WWOX: variants seen among roughly 807,000 people sequenced by gnomAD.
WWOX encodes WW domain containing oxidoreductase, also known as WW domain-containing oxidoreductase.
Under a neutral mutation model 46.2 loss-of-function variants are expected in WWOX, and 69 were observed. The observed-to-expected ratio is 1.49, with a 90% confidence interval of 1.23 to 1.82. The LOEUF (loss-of-function observed/expected upper bound fraction) is 1.82. Among genes scored for constraint, WWOX ranks in the 40% most tolerant of loss-of-function variants. The pLI is 0.00. For synonymous variants in WWOX, 359 were observed against 202.6 expected (o/e 1.77, Z -6.56); for missense variants, 919 against 542.6 (o/e 1.69, Z -6.89).
chr16:78,815,440 G>T (rs879470474), intron 8 of WWOX, among the ~76,000 whole-genome samples: 5 of 152,052 alleles, frequency 3.3e-5, no homozygotes, highest in Admixed American at 1.3e-4. Context: ...CTTAAACCCT[G>T]CACCGACCTT....
rs1165578311 is a variant in WWOX at position 78,970,576 on chromosome 16, TA to T, written c.1057-241030del. On this transcript the variant is annotated intron_variant, in intron 8 of 8. Coordinates refer to ENST00000566780, the MANE Select transcript of WWOX (RefSeq NM_016373.4). ...CTCACCAAGTATGGAAGTGGAAGAGTAAGACATTCAAGGTAGAAGGAACAGT... is the reference window on the plus strand; with the variant it reads ...CTCACCAAGTATGGAAGTGGAAGAGTAGACATTCAAGGTAGAAGGAACAGT... Among the ~76,000 whole-genome samples the T allele has an allele frequency of 2.0e-5, 3 of 151,998 alleles. No individual in the cohort carries two copies. The East Asian group carries it at 5.8e-4, about 29-fold the overall frequency.
chr16:78,702,212 C>T (rs1163592966), intron 8 of WWOX, among the ~76,000 whole-genome samples: 20 of 147,466 alleles, frequency 1.4e-4, no homozygotes, highest in Non-Finnish European at 3.0e-5. Context: ...ACTGGGAGCT[C>T]GAGGCGGCAG....
chr16:78,315,074 G>GCT (rs2080332911), intron 5 of WWOX, among the ~76,000 whole-genome samples: 1 of 152,018 alleles, frequency 6.6e-6, no homozygotes, highest in Admixed American at 6.5e-5. Flanking sequence ...CTATCATCTA[G>GCT]CTATCTATCG....
chr16:78,882,207 A>G (rs12932449), intron 8 of WWOX, among the ~76,000 whole-genome samples: 16,620 of 152,262 alleles, frequency 0.11, 1,483 homozygotes, highest in African/African-American at 0.24. Flanking sequence ...AAGTGTCATA[A>G]AGCCAATACT....
chr16:79,153,234 C>T (rs950171926), intron 8 of WWOX, among the ~76,000 whole-genome samples: 2 of 152,082 alleles, frequency 1.3e-5, no homozygotes, highest in African/African-American at 2.4e-5. Context: ...GAAAAGATTC[C>T]AGCACTAAAG....
chr16:78,424,312 G>T (rs1175079548), intron 6 of WWOX, among the ~76,000 whole-genome samples: 5 of 151,872 alleles, frequency 3.3e-5, no homozygotes, highest in Non-Finnish European at 7.4e-5. Flanking sequence ...CAGAGATGGG[G>T]TTTCACCATG....
At chr16:78,835,836 GA>G (rs2051965670) in intron 8 of WWOX, among the ~76,000 whole-genome samples, 2 of 152,134 alleles carry the variant, frequency 1.3e-5, no homozygotes, top group South Asian at 4.1e-4. Flanking sequence ...AGGAAAAGAG[GA>G]AAAATTCAAA....
intron 8 of WWOX, among the ~76,000 whole-genome samples, chr16:79,012,031 T>C (rs1280733844): frequency 6.6e-6 from 1 of 152,168 alleles, no homozygotes; most frequent in Admixed American, 6.5e-5. Flanking sequence ...CAGGGATCCC[T>C]CTGGCTACTG....
chr16:78,738,629 C>A (rs183103327), intron 8 of WWOX, among the ~76,000 whole-genome samples: 469 of 152,234 alleles, frequency 3.1e-3, no homozygotes, highest in African/African-American at 0.01. Flanking sequence ...ATTTTTGTTA[C>A]GCTTGTGGTT....
intron 8 of WWOX, among the ~76,000 whole-genome samples, chr16:79,056,387 C>T (rs2048262933): frequency 1.3e-5 from 2 of 152,166 alleles, no homozygotes; most frequent in Admixed American, 6.5e-5. Context: ...GACCCATGTG[C>T]AGAGTAGTGT....
chr16:78,835,402 C>G (rs73577487), intron 8 of WWOX, among the ~76,000 whole-genome samples: 1,824 of 152,238 alleles, frequency 0.012, 44 homozygotes, highest in African/African-American at 0.041. Context: ...GGGCCAGCAA[C>G]AAAAATGACT....
chr16:78,301,102 C>T lies in WWOX; in HGVS notation c.517-85758C>T, dbSNP rs1404702812. On this transcript the variant is annotated intron_variant, in intron 5 of 8. Coordinates refer to ENST00000566780, the MANE Select transcript of WWOX (RefSeq NM_016373.4). ...CTTTACCCTTAAGGACTTTGGCTGG[C>T]ATCTCCTAAAACTAAAGGCATTGCT... is the stretch of plus-strand genomic sequence containing the variant. Among the ~76,000 whole-genome samples the T allele has an allele frequency of 2.0e-5, 3 of 152,282 alleles. No individual in the cohort carries two copies. The East Asian group carries it at 5.8e-4, about 29-fold the overall frequency.
At chr16:79,067,669 A>T (rs954687111) in intron 8 of WWOX, among the ~76,000 whole-genome samples, 1 of 151,596 alleles carries the variant, frequency 6.6e-6, no homozygotes, top group African/African-American at 2.4e-5. Context: ...CCTGCATATT[A>T]TGCTTTTGTG....
chr16:78,877,838 TA>T (rs1567620831), intron 8 of WWOX, among the ~76,000 whole-genome samples: 1 of 152,072 alleles, frequency 6.6e-6, no homozygotes, highest in Non-Finnish European at 1.5e-5. Flanking sequence ...CACAGCAACA[TA>T]GGTAGTTTTA....
intron 5 of WWOX, among the ~76,000 whole-genome samples, chr16:78,330,051 GCTTT>G (rs765354454): frequency 2.0e-5 from 3 of 152,112 alleles, no homozygotes; most frequent in South Asian, 2.1e-4. Flanking sequence ...ACTGCCTGGT[GCTTT>G]CTTTTTGTCT....
chr16:79,081,552 G>A (rs866074810), intron 8 of WWOX, among the ~76,000 whole-genome samples: 4 of 152,280 alleles, frequency 2.6e-5, no homozygotes, highest in South Asian at 2.1e-4. Flanking sequence ...TCTCAACTCT[G>A]CTATCTGCTC....
intron 8 of WWOX, among the ~76,000 whole-genome samples, chr16:78,850,824 G>A (rs1184955040): frequency 6.6e-6 from 1 of 152,116 alleles, no homozygotes; most frequent in South Asian, 2.1e-4. Context: ...TCACACTAAT[G>A]AGTTCTTAGT....
chr16:78,993,888 C>T (rs961936904), intron 8 of WWOX, among the ~76,000 whole-genome samples: 15 of 152,154 alleles, frequency 9.9e-5, no homozygotes, highest in African/African-American at 3.4e-4. Context: ...CCTTTCGTGT[C>T]CGTTGGGTGC....
chr16:78,718,879 A>C (rs1001909133), intron 8 of WWOX, among the ~76,000 whole-genome samples: 11 of 152,112 alleles, frequency 7.2e-5, no homozygotes, highest in Non-Finnish European at 1.6e-4. Flanking sequence ...AAAGGTGAAG[A>C]ATTGGGGAGG....
Sources: allele counts gnomAD v4.1 joint callset (sites outside exome capture counted in the v4.1 genomes callset), GRCh38; gene constraint gnomAD v4.1.1; transcripts MANE v1.5; gene names NCBI Gene and HGNC (gene_info 2026-07-23, HGNC 2026-07-21).